The following UNC5D variants were observed in gnomAD, a reference collection of about 807,000 sequenced individuals.
The protein encoded by UNC5D is unc-5 netrin receptor D.
UNC5D carries 39 observed loss-of-function variants against 105.4 expected under a neutral mutation model. The ratio of observed to expected loss-of-function variants is 0.37; its 90% CI spans 0.29 to 0.48. UNC5D has a LOEUF of 0.48. Among genes scored for constraint, UNC5D ranks in the 20% least tolerant of loss-of-function variants. UNC5D has a pLI of 0.98. For missense variants in UNC5D, 991 were observed against 1,202.4 expected, an observed-to-expected ratio of 0.82 and a Z score of 2.60; for synonymous variants, 452 against 450.4, an observed-to-expected ratio of 1.00 and a Z score of -0.04.
intron 2 of UNC5D, among the ~76,000 whole-genome samples, chr8:35,566,968 A>G (rs143591038): frequency 0.012 from 1,850 of 152,230 alleles, 11 homozygotes; most frequent in Middle Eastern, 0.044. Context: ...CTCATCCCAA[A>G]GAAAGAAAGG....
intron 1 of UNC5D, among the ~76,000 whole-genome samples, chr8:35,346,056 C>T (rs1407840760): frequency 1.3e-5 from 2 of 151,904 alleles, no homozygotes; most frequent in Non-Finnish European, 2.9e-5. Context: ...TCTCTGAGTT[C>T]AAAAATGCTT....
intron 14 of UNC5D, among the ~76,000 whole-genome samples, chr8:35,765,702 T>C (rs1402347310): frequency 6.6e-6 from 1 of 152,194 alleles, no homozygotes; most frequent in African/African-American, 2.4e-5. Context: ...AGGTAACTCA[T>C]AGCTTCTCAA....
chr8:35,420,921 T>C (rs1047362591), intron 1 of UNC5D, among the ~76,000 whole-genome samples: 1 of 152,200 alleles, frequency 6.6e-6, no homozygotes, highest in Non-Finnish European at 1.5e-5. Context: ...GTGATGACTT[T>C]GTTCTGGCAT....
In UNC5D at chr8:35,540,444, G is replaced by GGGGT. The variant is rs1554554009; in HGVS notation, c.104-8847_104-8846insGGTG. Among the ~76,000 whole-genome samples, 341 of 142,792 alleles carry GGGGT rather than the reference G, an allele frequency of 2.4e-3. 3 individuals carry two copies. The highest frequency in any genetic ancestry group is 0.014 in the Middle Eastern group (4 of 280). The allele number at this position is 142,792 out of a possible 152,430, so 93.7% of individuals were successfully genotyped here. A position where few individuals can be genotyped will look rare whatever the true frequency, so the allele number is the denominator to read the frequency against. On this transcript the variant is annotated intron_variant, in intron 1 of 16. Transcript: ENST00000404895. ...TTTATATTCTTTCACAAAGCAGAGG[G>GGGGT]GTGTGTGTGTGTGTGTGTGTGTGTG...
chr8:35,564,330 G>T (rs1817176470), intron 2 of UNC5D, among the ~76,000 whole-genome samples: 1 of 152,118 alleles, frequency 6.6e-6, no homozygotes, highest in African/African-American at 2.4e-5. Flanking sequence ...ACTTCTCAAA[G>T]TGTGGGTGTA....
chr8:35,776,861 C>T (rs1248486352), intron 16 of UNC5D, among the ~76,000 whole-genome samples: 1 of 152,184 alleles, frequency 6.6e-6, no homozygotes, highest in Non-Finnish European at 1.5e-5. Flanking sequence ...GTAATCCAAG[C>T]ACTGTAGGAG....
chr8:35,321,762 T>A (rs1241447576), intron 1 of UNC5D, among the ~76,000 whole-genome samples: 1 of 152,154 alleles, frequency 6.6e-6, no homozygotes, highest in Admixed American at 6.5e-5. Flanking sequence ...TCCTTGAAGT[T>A]GGAGGTTCCT....
chr8:35,533,091 G>C (rs1814527075), intron 1 of UNC5D, among the ~76,000 whole-genome samples: 1 of 151,510 alleles, frequency 6.6e-6, no homozygotes, highest in Non-Finnish European at 1.5e-5. Flanking sequence ...TGCTGGTGAG[G>C]AACTGCGTTC....
chr8:35,626,052 G>A lies in UNC5D; in HGVS notation c.570+30395G>A, dbSNP rs570369269. 4.0e-4 allele frequency among the ~76,000 whole-genome samples: 61 copies of A among 152,126 alleles called. 1 individual carries two copies. The highest frequency in any genetic ancestry group is 2.2e-3 in the Admixed American group (34 of 15,268). The stretch of plus-strand genomic sequence containing the variant: ...TTTCAGCTTTTGTTTAGAACCCTTG[G>A]GGTCTTTTTTCCCTCTTGATGTATG... On this transcript the variant is annotated intron_variant, in intron 4 of 16. Transcript: ENST00000404895.
intron 7 of UNC5D, among the ~76,000 whole-genome samples, chr8:35,689,812 C>T (rs1051421079): frequency 6.6e-6 from 1 of 152,184 alleles, no homozygotes; most frequent in Non-Finnish European, 1.5e-5. Context: ...ATGTTAATCT[C>T]ATCCAAAAAC....
chr8:35,240,766 C>A (rs1012841524), intron 1 of UNC5D, among the ~76,000 whole-genome samples: 3 of 152,110 alleles, frequency 2.0e-5, no homozygotes, highest in Non-Finnish European at 4.4e-5. Flanking sequence ...TTATTACTAT[C>A]AAGAGGCATA....
intron 15 of UNC5D, among the ~76,000 whole-genome samples, chr8:35,769,118 G>A (rs957187879): frequency 1.3e-5 from 2 of 152,116 alleles, no homozygotes; most frequent in South Asian, 2.1e-4. Context: ...ATTTGCTTTC[G>A]TATTTGTCAT....
intron 1 of UNC5D, among the ~76,000 whole-genome samples, chr8:35,506,068 C>T (rs1038450023): frequency 2.6e-5 from 4 of 152,154 alleles, no homozygotes; most frequent in Admixed American, 2.6e-4. Flanking sequence ...AGCCCTGATT[C>T]AGATGATCTA....
chr8:35,705,786 A>G (rs192683601), intron 7 of UNC5D, 143 bp from the exon 8 acceptor site: 218 of 431,688 alleles, frequency 5.0e-4, no homozygotes, highest in African/African-American at 4.1e-3. Context: ...TGAAAAAACT[A>G]TGGACAATGC....
chr8:35,509,820 C>T (rs1812582143), intron 1 of UNC5D, among the ~76,000 whole-genome samples: 3 of 152,026 alleles, frequency 2.0e-5, no homozygotes, highest in Admixed American at 2.0e-4. Context: ...CTTCAGATGC[C>T]AACTGAAAGC....
intron 4 of UNC5D, among the ~76,000 whole-genome samples, chr8:35,670,429 T>C (rs1824706658): frequency 6.6e-6 from 1 of 152,148 alleles, no homozygotes; most frequent in Non-Finnish European, 1.5e-5. Context: ...TGCAGCACTA[T>C]TGACAATAGC....
chr8:35,779,201 A>G (rs1802391559), intron 16 of UNC5D, among the ~76,000 whole-genome samples: 1 of 152,206 alleles, frequency 6.6e-6, no homozygotes, highest in Non-Finnish European at 1.5e-5. Context: ...GAACTGCGAA[A>G]TAACGAATTG....
chr8:35,610,061 G>A (rs1272188415), intron 4 of UNC5D, among the ~76,000 whole-genome samples: 2 of 151,786 alleles, frequency 1.3e-5, no homozygotes, highest in Admixed American at 6.6e-5. Flanking sequence ...TTTTTGAAAT[G>A]TTCTCGTGTA....
chr8:35,544,499 G>A (rs777420005), intron 1 of UNC5D: 8 of 1,613,782 alleles, frequency 5.0e-6, no homozygotes, highest in East Asian at 4.5e-5. Context: ...TGGGACTTCC[G>A]GGTTCCTGTT....
Sources: allele counts gnomAD v4.1 joint callset (sites outside exome capture counted in the v4.1 genomes callset), GRCh38; gene constraint gnomAD v4.1.1; transcripts MANE v1.5; gene names NCBI Gene and HGNC (gene_info 2026-07-23, HGNC 2026-07-21).